RPH3AL: variants seen among roughly 807,000 people sequenced by gnomAD.
RPH3AL encodes rabphilin 3A like (without C2 domains).
A neutral mutation model predicts 43.1 loss-of-function variants in RPH3AL; 38 were observed. The observed-to-expected ratio is 0.88, with a 90% CI of 0.68 to 1.15. RPH3AL has a LOEUF of 1.15. Ranked by LOEUF, RPH3AL falls within the 50% of genes most tolerant of loss-of-function variation. The pLI, the probability that RPH3AL is intolerant of heterozygous loss-of-function variation, is 0.00. For synonymous variants in RPH3AL, 189 were observed against 176.3 expected, an observed-to-expected ratio of 1.07 and a Z score of -0.57; for missense variants, 462 against 423.2, an observed-to-expected ratio of 1.09 and a Z score of -0.81.
chr17:319,595 G>A, intron 4 of RPH3AL, 46 bp from the exon 5 acceptor site: 4 of 1,602,642 alleles, frequency 2.5e-6, no homozygotes, highest in Non-Finnish European at 3.4e-6. Context: ...TTCCTGCCTG[G>A]GCACAGTTGC....
intron 7 of RPH3AL, among the ~76,000 whole-genome samples, chr17:226,510 A>T (rs1173287193): frequency 6.6e-6 from 1 of 152,144 alleles, no homozygotes; most frequent in Admixed American, 6.6e-5. Context: ...AATAAACACC[A>T]CTCGAAAGAA....
chr17:285,490 CTCGTACCGTGT>C (rs954139528), intron 5 of RPH3AL, among the ~76,000 whole-genome samples: 42 of 152,312 alleles, frequency 2.8e-4, no homozygotes, highest in Admixed American at 5.2e-4. Flanking sequence ...AGTGCAGCCC[CTCGTACCGTGT>C]TCTGCAGCCC....
rs1275946915 is a variant in RPH3AL, at chr17:301,708, G to A, written c.351+17712C>T. 2.6e-5 allele frequency among the ~76,000 whole-genome samples: 4 copies of A among 152,170 alleles called. No individual in the cohort carries two copies. The East Asian group carries it at 7.7e-4, about 29-fold the overall frequency. On this transcript the variant is annotated intron_variant, in intron 5 of 9. Coordinates refer to ENST00000331302, the MANE Select transcript of RPH3AL (RefSeq NM_006987.4). The stretch of plus-strand genomic sequence containing the variant: ...CCTACCTCGGCCTCCCAAAGTCCTG[G>A]AATTACAGGTGTGACCCACCGCGCC...
chr17:272,562 A>G (rs2042493352), intron 6 of RPH3AL, among the ~76,000 whole-genome samples: 1 of 131,350 alleles, frequency 7.6e-6, no homozygotes, highest in Admixed American at 8.9e-5. Flanking sequence ...CAATGAGAAC[A>G]CATGGACACA....
At chr17:241,721 C>CTTTTTTTTTTTT (rs58397357) in intron 7 of RPH3AL, among the ~76,000 whole-genome samples, 9 of 133,988 alleles carry the variant, frequency 6.7e-5, no homozygotes, top group African/African-American at 2.0e-4. Context: ...CTTTTTTTTT[C>CTTTTTTTTTTTT]TTTTTTTTTT....
intron 7 of RPH3AL, among the ~76,000 whole-genome samples, chr17:230,703 C>CA (rs2041211108): frequency 6.6e-6 from 1 of 152,128 alleles, no homozygotes; most frequent in Non-Finnish European, 1.5e-5. Context: ...TGAAACACGG[C>CA]AAGCCTATGC....
intron 1 of RPH3AL, among the ~76,000 whole-genome samples, chr17:352,006 C>G (rs1178582363): frequency 6.6e-6 from 1 of 152,194 alleles, no homozygotes; most frequent in Non-Finnish European, 1.5e-5. Context: ...CTGCTCCTGA[C>G]CAAGTCAACT....
At position 215,144 on chromosome 17, in the gene RPH3AL, A is replaced by C. The variant is rs2040765740; in HGVS notation, c.876+510T>G. 6.6e-6 allele frequency among the ~76,000 whole-genome samples: 1 copy of C among 152,118 alleles called. No homozygotes were observed. The highest frequency in any genetic ancestry group is 1.5e-5 in the Non-Finnish European group (1 of 68,010). On this transcript the variant is annotated intron_variant, in intron 9 of 9. Transcript: ENST00000331302. The surrounding 1 kb of genome is among the most constrained non-coding windows in gnomAD (Gnocchi z 4.1). ...CTGCCCAGGGCTTCTTTCTTGAAGG[A>C]GACAGGGCTGATCCTGCACCTGCGC...
At position 291,444 on chromosome 17, in the gene RPH3AL, G is replaced by T. The variant is rs1418885945; in HGVS notation, c.352-9590C>A. Among the ~76,000 whole-genome samples, 2 of 152,148 alleles carry T rather than the reference G, an allele frequency of 1.3e-5. 1 individual carries two copies. The highest frequency in any genetic ancestry group is 1.3e-4 in the Admixed American group (2 of 15,278). On this transcript the variant is annotated intron_variant, in intron 5 of 9. Transcript: ENST00000331302. ...TATCTGGAAAATTACTTTCCTGAGA[G>T]TTCCAGTGAGTTGAAATCGGCAGGT... is the stretch of plus-strand genomic sequence containing the variant.
intron 3 of RPH3AL, among the ~76,000 whole-genome samples, chr17:326,905 G>T (rs547169699): frequency 6.6e-6 from 1 of 152,332 alleles, no homozygotes; most frequent in African/African-American, 2.4e-5. Flanking sequence ...TGGAAGCAAG[G>T]AACTAGCGAG....
chr17:307,177 G>T (rs932004840), intron 5 of RPH3AL, among the ~76,000 whole-genome samples: 2 of 146,742 alleles, frequency 1.4e-5, no homozygotes, highest in Admixed American at 6.8e-5. Flanking sequence ...TCCCACGGCA[G>T]ATCCTCCCCG....
intron 5 of RPH3AL, 53 bp downstream of exon 5, chr17:319,367 G>A (rs1009808230): frequency 6.8e-5 from 109 of 1,592,074 alleles, no homozygotes; most frequent in Admixed American, 3.2e-4. Flanking sequence ...ACAGCGCAGC[G>A]GGGCTGGTCC....
At position 247,123 on chromosome 17, in the gene RPH3AL, C is replaced by A; in HGVS notation, c.601G>T (p.Ala201Ser). 1 of 1,614,122 alleles carries A rather than the reference C, an allele frequency of 6.2e-7. No individual in the cohort carries two copies. The highest frequency in any genetic ancestry group is 8.5e-7 in the Non-Finnish European group (1 of 1,180,004). The change falls in exon 7 of 10, where the codon GCC becomes TCC. Residue 201 changes from alanine to serine, a missense_variant. Coordinates refer to ENST00000331302, the MANE Select transcript of RPH3AL (RefSeq NM_006987.4). ...AGAGGGGACTTACCTCTTCCTCGGG[C>A]CCACGTGTAGATGCGGCTGGTCTCA... The part of the protein sequence containing the change: ...SSETSRIYTW[A>S]RGRVVSSDSD...
intron 6 of RPH3AL, among the ~76,000 whole-genome samples, chr17:265,324 A>G (rs72821634): frequency 0.064 from 9,758 of 152,236 alleles, 424 homozygotes; most frequent in Non-Finnish European, 0.087. Context: ...TCAGACTCCT[A>G]TACTCAAGCG....
intron 5 of RPH3AL, among the ~76,000 whole-genome samples, chr17:315,670 C>A (rs1462439682): frequency 1.3e-5 from 2 of 148,804 alleles, no homozygotes; most frequent in African/African-American, 2.5e-5. Flanking sequence ...CTCCACTGAC[C>A]TGTAGTCCCT....
At chr17:351,310 G>A (rs749578542) in intron 1 of RPH3AL, among the ~76,000 whole-genome samples, 12 of 151,752 alleles carry the variant, frequency 7.9e-5, no homozygotes, top group Non-Finnish European at 1.6e-4. Flanking sequence ...ACTCTTCAAG[G>A]ACTGTCAAGA....
chr17:342,240 G>C (rs1266677938), intron 1 of RPH3AL, among the ~76,000 whole-genome samples: 1 of 152,200 alleles, frequency 6.6e-6, no homozygotes, highest in Non-Finnish European at 1.5e-5. Context: ...GGAGAAACTG[G>C]AACACTTGTA....
At chr17:324,149 G>A (rs1336701297) in intron 3 of RPH3AL, among the ~76,000 whole-genome samples, 3 of 152,194 alleles carry the variant, frequency 2.0e-5, no homozygotes, top group Non-Finnish European at 4.4e-5. Flanking sequence ...CAGGAATCTC[G>A]GGTTGGCCTC....
intron 5 of RPH3AL, among the ~76,000 whole-genome samples, chr17:293,012 A>G (rs903328136): frequency 2.0e-5 from 3 of 152,196 alleles, no homozygotes; most frequent in Non-Finnish European, 2.9e-5. Flanking sequence ...CACGTCCTCC[A>G]TCCTGGCTGC....
Sources: allele counts gnomAD v4.1 joint callset (sites outside exome capture counted in the v4.1 genomes callset), GRCh38; gene constraint gnomAD v4.1.1; non-coding constraint Gnocchi (gnomAD v3.1); transcripts MANE v1.5; gene names NCBI Gene and HGNC (gene_info 2026-07-23, HGNC 2026-07-21).